RELN: variants seen among roughly 807,000 people sequenced by gnomAD.
The protein encoded by RELN is reelin.
Under a neutral mutation model 427.6 loss-of-function variants are expected in RELN, and 108 were observed. That is an observed-to-expected ratio of 0.25 (90% confidence interval 0.22 to 0.30). RELN has a LOEUF of 0.30. RELN is among the 10% of genes least tolerant of loss of function. RELN has a pLI of 1.00. For synonymous variants in RELN, 1,524 were observed against 1,513.4 expected, an observed-to-expected ratio of 1.01 and a Z score of -0.16; for missense variants, 3,715 against 4,302.8, an observed-to-expected ratio of 0.86 and a Z score of 3.82.
rs1240481087 is a variant in RELN at position 103,489,853 on chromosome 7, G to T, written c.9652C>A (p.Gln3218Lys). Residue 3218 changes from glutamine (Q) to lysine (K), a missense_variant, in exon 60 of 65, where the codon CAA becomes AAA. This residue lies in a region of RELN where 1,310 missense variants were observed against 1,643.0 expected (regional missense o/e 0.80). Transcript: ENST00000428762. ...WIQKGEETEK[Q>K]SWAIDHVYIG... The stretch of plus-strand genomic sequence containing the variant: ...TACACGTGGTCAATTGCCCAGCTTT[G>T]CTTCTCAGTTTCTTCTCCCTTCTGG... 2 of 1,614,170 alleles carry T rather than the reference G, an allele frequency of 1.2e-6. No homozygotes were observed. Among genetic ancestry groups the T allele is most frequent in the Non-Finnish European group, 1.7e-6 (2 of 1,180,030 alleles).
intron 8 of RELN, among the ~76,000 whole-genome samples, chr7:103,716,466 C>T (rs1235665004): frequency 6.6e-6 from 1 of 150,982 alleles, no homozygotes; most frequent in East Asian, 2.0e-4. Flanking sequence ...AAGATCTTCT[C>T]TTTGACAGAT....
chr7:103,795,130 T>G (rs1387185487), intron 3 of RELN, among the ~76,000 whole-genome samples: 1 of 152,250 alleles, frequency 6.6e-6, no homozygotes, highest in African/African-American at 2.4e-5. Context: ...TATTATCTAT[T>G]GAAGTCAATT....
At chr7:103,764,739 G>A (rs371668523) in intron 4 of RELN, among the ~76,000 whole-genome samples, 1 of 151,442 alleles carries the variant, frequency 6.6e-6, no homozygotes, top group South Asian at 2.1e-4. Flanking sequence ...GGGAGGCTGA[G>A]GTAGGAGAAT....
At chr7:103,650,404 A>C (rs748513841) in intron 15 of RELN, 21 bp from the exon 16 acceptor site, 35 of 1,346,310 alleles carry the variant, frequency 2.6e-5, no homozygotes, top group Non-Finnish European at 3.7e-5. Flanking sequence ...TTTAGCACAA[A>C]ACCATCTTCA....
At chr7:103,869,645 T>G (rs2116519952) in intron 2 of RELN, among the ~76,000 whole-genome samples, 1 of 152,254 alleles carries the variant, frequency 6.6e-6, no homozygotes, top group South Asian at 2.1e-4. Flanking sequence ...TACGTGTAAG[T>G]TATCTTTCTT....
chr7:103,918,901 G>A (rs73183755), intron 1 of RELN, among the ~76,000 whole-genome samples: 35,809 of 151,922 alleles, frequency 0.24, 4,950 homozygotes, highest in African/African-American at 0.37. Flanking sequence ...TTTAAAAGGC[G>A]TAAGTATGCA....
chr7:103,931,821 G>T (rs1227528231), intron 1 of RELN, among the ~76,000 whole-genome samples: 1 of 152,064 alleles, frequency 6.6e-6, no homozygotes, highest in Non-Finnish European at 1.5e-5. Flanking sequence ...CTCCTCCTTT[G>T]TACACAATTC....
intron 16 of RELN, among the ~76,000 whole-genome samples, chr7:103,645,172 C>T (rs920796896): frequency 6.6e-6 from 1 of 151,698 alleles, no homozygotes; most frequent in African/African-American, 2.4e-5. Context: ...ATCCTAAAAA[C>T]AAATGACAGT....
intron 11 of RELN, among the ~76,000 whole-genome samples, chr7:103,671,319 T>C (rs190979124): frequency 7.1e-4 from 108 of 152,260 alleles, no homozygotes; most frequent in Non-Finnish European, 1.3e-3. Flanking sequence ...TTCTCTTCAA[T>C]TGGTTCCTCT....
intron 51 of RELN, among the ~76,000 whole-genome samples, chr7:103,510,022 C>T (rs567373515): frequency 1.7e-4 from 26 of 152,256 alleles, no homozygotes; most frequent in African/African-American, 5.1e-4. Context: ...GAAATAGGAA[C>T]GCTTTTACAC....
intron 37 of RELN, among the ~76,000 whole-genome samples, 175 bp from the exon 38 acceptor site, chr7:103,557,334 T>C (rs969979401): frequency 2.6e-5 from 4 of 152,208 alleles, no homozygotes; most frequent in African/African-American, 9.6e-5. Context: ...GCTTTCTGTA[T>C]ATCTCGAAAT....
chr7:103,773,450 G>A (rs1168141646), intron 4 of RELN, among the ~76,000 whole-genome samples: 2 of 70,434 alleles, frequency 2.8e-5, no homozygotes, highest in Non-Finnish European at 5.4e-5. Flanking sequence ...TCTCTCCCTC[G>A]CTCCCTCCCT....
Position 103,610,751 on chromosome 7 carries a change from A to T in RELN, c.2952T>A (p.His984Gln), listed in dbSNP as rs1009061452. Residue 984 changes from histidine (H) to glutamine (Q), a missense_variant, in exon 22 of 65, where the codon CAT becomes CAA. His to Gln is a conservative substitution (Grantham distance 24). Coordinates refer to ENST00000428762, the MANE Select transcript of RELN (RefSeq NM_005045.4). Reference protein sequence around the residue: ...CQEFTSASIYHASEFTQWRRV... With the variant: ...CQEFTSASIYQASEFTQWRRV... ...TCCTCCACTGTGTAAACTCACTGGC[A>T]TGGTAAATACTTGCTGATGTAAATT... 1 of 1,612,626 alleles carries T rather than the reference A, an allele frequency of 6.2e-7. No individual in the cohort carries two copies. The highest frequency in any genetic ancestry group is 8.5e-7 in the Non-Finnish European group (1 of 1,178,788).
At chr7:103,893,309 T>C (rs561498669) in intron 2 of RELN, among the ~76,000 whole-genome samples, 3 of 152,256 alleles carry the variant, frequency 2.0e-5, no homozygotes, top group Non-Finnish European at 4.4e-5. Flanking sequence ...CTTTCCTTCC[T>C]TGTCTGTCTC....
In RELN at chr7:103,616,329, C is replaced by T. The variant is rs1157446693; in HGVS notation, c.2703-4526G>A. On this transcript the variant is annotated intron_variant, in intron 20 of 64. Transcript: ENST00000428762. ...AGAAGAAGAGGTGAATGAATGTACG[C>T]CTCTCTGATATCATTCTTTTATTGG... 2.0e-5 allele frequency among the ~76,000 whole-genome samples: 3 copies of T among 152,160 alleles called. No homozygotes were observed. The East Asian group carries it at 5.8e-4, about 29-fold the overall frequency.
intron 6 of RELN, among the ~76,000 whole-genome samples, chr7:103,738,230 G>C (rs651488): frequency 0.22 from 32,905 of 150,948 alleles, 4,736 homozygotes; most frequent in African/African-American, 0.41. Flanking sequence ...AAGCATTAAA[G>C]GGATAACTTA....
intron 52 of RELN, among the ~76,000 whole-genome samples, chr7:103,501,617 T>A (rs1177393977): frequency 6.6e-6 from 1 of 152,250 alleles, no homozygotes; most frequent in Non-Finnish European, 1.5e-5. Context: ...AAATGTTCTG[T>A]ATCTTGTTTT....
intron 3 of RELN, among the ~76,000 whole-genome samples, chr7:103,788,071 G>A (rs190827769): frequency 3.3e-5 from 5 of 151,994 alleles, no homozygotes; most frequent in East Asian, 1.9e-4. Context: ...TAAACAGAAC[G>A]AACCAATGAC....
chr7:103,737,654 A>C (rs1049346611), intron 6 of RELN, among the ~76,000 whole-genome samples: 18 of 152,256 alleles, frequency 1.2e-4, no homozygotes, highest in African/African-American at 4.1e-4. Flanking sequence ...AAGGAATTTT[A>C]GTAAGCCAAA....
Sources: allele counts gnomAD v4.1 joint callset (sites outside exome capture counted in the v4.1 genomes callset), GRCh38; gene constraint gnomAD v4.1.1; regional missense constraint gnomAD v4.1.1; transcripts MANE v1.5; gene names NCBI Gene and HGNC (gene_info 2026-07-23, HGNC 2026-07-21).